The following SORCS2 variants were observed in gnomAD, a reference collection of about 807,000 sequenced individuals.
The protein encoded by SORCS2 is sortilin related VPS10 domain containing receptor 2, also known as VPS10 domain-containing receptor SorCS2.
Under a neutral mutation model 141.6 loss-of-function variants are expected in SORCS2, and 100 were observed. That is an observed-to-expected ratio of 0.71 (90% CI 0.60 to 0.83). The LOEUF is 0.83. Among genes scored for constraint, SORCS2 ranks in the 40% least tolerant of loss-of-function variants. The probability of loss-of-function intolerance (pLI) is 0.00; values close to 1 mark genes in which losing one functional copy is unlikely to be tolerated. For synonymous variants in SORCS2, 789 were observed against 676.9 expected, an observed-to-expected ratio of 1.17 and a Z score of -2.57; for missense variants, 1,646 against 1,560.2, an observed-to-expected ratio of 1.05 and a Z score of -0.93.
At chr4:7,538,982 T>A (rs1712350328) in intron 3 of SORCS2, among the ~76,000 whole-genome samples, 1 of 152,190 alleles carries the variant, frequency 6.6e-6, no homozygotes, top group Non-Finnish European at 1.5e-5. Flanking sequence ...TTCTCTAATC[T>A]CTACAGCAGC....
intron 1 of SORCS2, among the ~76,000 whole-genome samples, chr4:7,376,736 CT>C (rs1722680533): frequency 6.6e-6 from 1 of 152,174 alleles, no homozygotes; most frequent in African/African-American, 2.4e-5. Context: ...CCTGAATAAA[CT>C]TTTTACGACT....
chr4:7,258,810 G>T (rs6815971), intron 1 of SORCS2, among the ~76,000 whole-genome samples: 7 of 152,146 alleles, frequency 4.6e-5, no homozygotes, highest in African/African-American at 1.4e-4. Context: ...TTTTAATGAT[G>T]GCCATTCTAA....
intron 3 of SORCS2, among the ~76,000 whole-genome samples, chr4:7,575,802 CT>C (rs1235735250): frequency 6.6e-6 from 1 of 152,132 alleles, no homozygotes; most frequent in Non-Finnish European, 1.5e-5. Context: ...GTTGTTTCTT[CT>C]TTTCCAAGTT....
chr4:7,677,748 A>G (rs1320995329), intron 9 of SORCS2, among the ~76,000 whole-genome samples: 1 of 152,138 alleles, frequency 6.6e-6, no homozygotes, highest in Non-Finnish European at 1.5e-5. Context: ...GTTTGCAATA[A>G]TAACCCATTT....
intron 2 of SORCS2, among the ~76,000 whole-genome samples, chr4:7,512,986 A>G (rs962722887): frequency 2.0e-5 from 3 of 152,160 alleles, no homozygotes; most frequent in Admixed American, 1.3e-4. Context: ...GCTGTAGGAA[A>G]AGCCCACATC....
intron 1 of SORCS2, among the ~76,000 whole-genome samples, chr4:7,327,290 C>G (rs11729769): frequency 0.26 from 39,679 of 152,178 alleles, 6,102 homozygotes; most frequent in East Asian, 0.43. Flanking sequence ...CTCACCTGTC[C>G]CACCTCCGGT....
chr4:7,547,797 C>T (rs1473852102), intron 3 of SORCS2, among the ~76,000 whole-genome samples: 1 of 152,244 alleles, frequency 6.6e-6, no homozygotes, highest in Admixed American at 6.5e-5. Context: ...CAGATGCACC[C>T]CAGGGCAGGA....
chr4:7,484,169 ATC>A (rs1268811407), intron 2 of SORCS2, among the ~76,000 whole-genome samples: 1 of 152,164 alleles, frequency 6.6e-6, no homozygotes, highest in Non-Finnish European at 1.5e-5. Flanking sequence ...GGTCCCGGTA[ATC>A]TACTCTCAAA....
intron 3 of SORCS2, among the ~76,000 whole-genome samples, chr4:7,533,736 C>A (rs548001034): frequency 3.9e-5 from 6 of 152,214 alleles, no homozygotes; most frequent in Admixed American, 2.0e-4. Context: ...CTGGGTCAGA[C>A]AGTGTGAGGT....
chr4:7,629,182 T>A (rs1719712825), intron 3 of SORCS2, among the ~76,000 whole-genome samples: 1 of 152,214 alleles, frequency 6.6e-6, no homozygotes, highest in Non-Finnish European at 1.5e-5. Flanking sequence ...TGTATGTATA[T>A]ACACATACAT....
Position 7,703,264 on chromosome 4 carries a change from C to T in SORCS2, c.1669-16C>T, listed in dbSNP as rs757928684. ...TTCTCAGGCCCTGCCCTCAGCCACA[C>T]CACTCTCCTCTGCAGGTGTTTGAGG... On this transcript the variant is annotated splice_polypyrimidine_tract_variant and intron_variant, in intron 12 of 26. Coordinates refer to ENST00000507866, the MANE Select transcript of SORCS2 (RefSeq NM_020777.3). 6 of 1,603,162 alleles carry T rather than the reference C, an allele frequency of 3.7e-6. No individual in the cohort carries two copies. Among genetic ancestry groups the T allele is most frequent in the Non-Finnish European group, 5.1e-6 (6 of 1,174,366 alleles).
intron 3 of SORCS2, among the ~76,000 whole-genome samples, chr4:7,606,828 C>T (rs1044008471): frequency 1.2e-4 from 19 of 152,106 alleles, no homozygotes; most frequent in African/African-American, 4.3e-4. Context: ...AGGGGTAGCA[C>T]ATGCGGGCAG....
At chr4:7,399,480 GC>G (rs1724431662) in intron 2 of SORCS2, among the ~76,000 whole-genome samples, 1 of 152,154 alleles carries the variant, frequency 6.6e-6, no homozygotes, top group African/African-American at 2.4e-5. Context: ...CATTTGACGG[GC>G]CGCATGTCAG....
chr4:7,622,071 A>G lies in SORCS2; in HGVS notation c.649-16257A>G, dbSNP rs565724247. On this transcript the variant is annotated intron_variant, in intron 3 of 26. Coordinates refer to ENST00000507866, the MANE Select transcript of SORCS2 (RefSeq NM_020777.3). ...TGGAAATACCCACGTCCTGCCCCAG[A>G]GCACGGCCCCTGGGGGAATTGCCAC... Among the ~76,000 whole-genome samples, 7 of 151,666 alleles carry G rather than the reference A, an allele frequency of 4.6e-5. No individual in the cohort carries two copies. In the South Asian group the frequency reaches 1.5e-3, roughly 32 times the overall value.
intron 1 of SORCS2, among the ~76,000 whole-genome samples, chr4:7,325,930 G>A (rs1259032416): frequency 6.6e-6 from 1 of 152,164 alleles, no homozygotes; most frequent in Non-Finnish European, 1.5e-5. Context: ...GCGGTACAGG[G>A]GGAGCCAAGA....
intron 3 of SORCS2, among the ~76,000 whole-genome samples, chr4:7,543,663 CCCATCCAT>C (rs1712915421): frequency 4.9e-5 from 4 of 81,646 alleles, no homozygotes; most frequent in African/African-American, 1.4e-4. Flanking sequence ...CATCCACCCA[CCCATCCAT>C]CCATCCACCC....
At chr4:7,552,233 C>T (rs1272439707) in intron 3 of SORCS2, among the ~76,000 whole-genome samples, 1 of 152,172 alleles carries the variant, frequency 6.6e-6, no homozygotes, top group African/African-American at 2.4e-5. Context: ...AGGTATATTG[C>T]TGAGGGTCCT....
chr4:7,267,413 T>C (rs919473711), intron 1 of SORCS2, among the ~76,000 whole-genome samples: 7 of 152,122 alleles, frequency 4.6e-5, no homozygotes, highest in African/African-American at 1.7e-4. Context: ...AGGGCGTCTA[T>C]TTCCCCGCCC....
At chr4:7,257,858 G>A (rs1714011121) in intron 1 of SORCS2, among the ~76,000 whole-genome samples, 1 of 152,216 alleles carries the variant, frequency 6.6e-6, no homozygotes, top group Non-Finnish European at 1.5e-5. Flanking sequence ...TCAACGAGAG[G>A]CGCCGACAGG....
Sources: allele counts gnomAD v4.1 joint callset (sites outside exome capture counted in the v4.1 genomes callset), GRCh38; gene constraint gnomAD v4.1.1; transcripts MANE v1.5; gene names NCBI Gene and HGNC (gene_info 2026-07-23, HGNC 2026-07-21).